Variants in SLFN12L observed in about 807,000 individuals in gnomAD.
The protein encoded by SLFN12L is schlafen family member 12 like.
In SLFN12L, 34 loss-of-function variants were observed where a neutral mutation model predicts 34.8. The ratio of observed to expected loss-of-function variants is 0.98; its 90% confidence interval spans 0.74 to 1.30. The LOEUF (loss-of-function observed/expected upper bound fraction) is 1.30. Among genes scored for constraint, SLFN12L ranks in the 50% most tolerant of loss-of-function variants. SLFN12L has a pLI of 0.00. For missense variants in SLFN12L, 703 were observed against 696.2 expected (o/e 1.01, Z -0.11); for synonymous variants, 259 against 247.5 (o/e 1.05, Z -0.44).
intron 2 of SLFN12L, among the ~76,000 whole-genome samples, chr17:35,500,629 T>C (rs923489185): frequency 4.6e-5 from 7 of 151,878 alleles, no homozygotes. Flanking sequence ...CTCAGGAGAC[T>C]GAGGCAGGAG....
intron 2 of SLFN12L, among the ~76,000 whole-genome samples, chr17:35,497,005 G>A (rs1288586145): frequency 6.6e-6 from 1 of 152,158 alleles, no homozygotes; most frequent in African/African-American, 2.4e-5. Flanking sequence ...GGTGGCTCAC[G>A]CCTGTAATCC....
Position 35,464,729 on chromosome 17 carries a change from G to T in SLFN12L, c.*10194C>A, listed in dbSNP as rs1261046237. 6.6e-6 allele frequency: 1 copy of T among 152,042 alleles called. No individual in the cohort carries two copies. The highest frequency in any genetic ancestry group is 1.5e-5 in the Non-Finnish European group (1 of 68,008). The allele number at this position is 152,042 out of a possible 1,614,324, so 9.4% of individuals were successfully genotyped here. ...TAGATTGTACATGTACATAGATAAAGATATCAAACGTATATCTAAATTAAA... is the reference window on the plus strand; with the variant it reads ...TAGATTGTACATGTACATAGATAAATATATCAAACGTATATCTAAATTAAA... On this transcript the variant is annotated 3_prime_UTR_variant, in exon 5 of 5. Coordinates refer to ENST00000628453, the MANE Select transcript of SLFN12L (RefSeq NM_001363830.2).
At chr17:35,477,951 C>A in intron 4 of SLFN12L, 124 bp downstream of exon 4, 3 of 637,434 alleles carry the variant, frequency 4.7e-6, no homozygotes, top group South Asian at 2.3e-5. Flanking sequence ...CTAAAAACAC[C>A]AAAGAATTTC....
At position 35,479,547 on chromosome 17, in the gene SLFN12L, G is replaced by A. The variant is rs367706141; in HGVS notation, c.735C>T (p.His245=). The A allele has an allele frequency of 2.4e-5, 38 of 1,614,088 alleles. No individual in the cohort carries two copies. The East Asian group carries it at 2.7e-4, about 11-fold the overall frequency. ...KEKLTFTEST[H]VEIKNFSTEK... Reference sequence around the variant, plus strand: ...CAGTCGAGAAGTTTTTTATTTCAACGTGTGTGGATTCAGTAAAGGTCAATT... The same window carrying A: ...CAGTCGAGAAGTTTTTTATTTCAACATGTGTGGATTCAGTAAAGGTCAATT... The change falls in exon 3 of 5, where the codon CAC becomes CAT. Residue 245 remains histidine (H), a synonymous_variant. Coordinates refer to ENST00000628453, the MANE Select transcript of SLFN12L (RefSeq NM_001363830.2).
At chr17:35,505,367 T>C (rs1445763288) in intron 2 of SLFN12L, among the ~76,000 whole-genome samples, 1 of 152,140 alleles carries the variant, frequency 6.6e-6, no homozygotes, top group Non-Finnish European at 1.5e-5. Context: ...AGATGGAGTT[T>C]CTAAGAGTTG....
intron 2 of SLFN12L, among the ~76,000 whole-genome samples, chr17:35,495,988 G>A (rs1405446831): frequency 6.6e-6 from 1 of 151,566 alleles, no homozygotes; most frequent in Non-Finnish European, 1.5e-5. Flanking sequence ...GCGCCTTCGG[G>A]GGCATTTAAA....
chr17:35,492,910 G>T (rs1914893031), intron 2 of SLFN12L, among the ~76,000 whole-genome samples: 1 of 151,876 alleles, frequency 6.6e-6, no homozygotes, highest in South Asian at 2.1e-4. Context: ...TAGGCACATA[G>T]TAGGCACTCA....
At chr17:35,493,166 C>T (rs1914908215) in intron 2 of SLFN12L, among the ~76,000 whole-genome samples, 1 of 152,196 alleles carries the variant, frequency 6.6e-6, no homozygotes, top group Non-Finnish European at 1.5e-5. Context: ...TCTTCAACCT[C>T]CATCCCTGGC....
rs1597821343 is a variant in SLFN12L at position 35,466,052 on chromosome 17, A to T, written c.*8871T>A. On this transcript the variant is annotated 3_prime_UTR_variant, in exon 5 of 5. Coordinates refer to ENST00000628453, the MANE Select transcript of SLFN12L (RefSeq NM_001363830.2). ...TGAGCGGAAAGTACAAAGATTTTCCATATACCCACTGCCCGCACTCATGCA... is the reference window on the plus strand; with the variant it reads ...TGAGCGGAAAGTACAAAGATTTTCCTTATACCCACTGCCCGCACTCATGCA... Among the ~76,000 whole-genome samples the T allele has an allele frequency of 6.6e-6, 1 of 152,134 alleles. No homozygotes were observed. The highest frequency in any genetic ancestry group is 1.9e-4 in the East Asian group (1 of 5,198).
At chr17:35,491,322 T>G in intron 2 of SLFN12L, 2 of 525,734 alleles carry the variant, frequency 3.8e-6, no homozygotes, top group Non-Finnish European at 6.7e-6. Context: ...ATGTTGTCCC[T>G]TCCTACTTTC....
At chr17:35,501,786 G>C (rs1172286082) in intron 2 of SLFN12L, among the ~76,000 whole-genome samples, 1 of 152,174 alleles carries the variant, frequency 6.6e-6, no homozygotes, top group East Asian at 1.9e-4. Context: ...AGCCTGGACA[G>C]GTCCCTTGTT....
At position 35,480,133 on chromosome 17, in the gene SLFN12L, T is replaced by A; in HGVS notation, c.149A>T (p.Asp50Val). Residue 50 changes from aspartate to valine, a missense_variant, in exon 3 of 5, where the codon GAC becomes GTC. Physicochemically the swap from Asp to Val is radical, Grantham distance 152. Transcript: ENST00000628453. Reference protein sequence around the residue: ...AGKMNISIDLDTNYAELVLNV... With the variant: ...AGKMNISIDLVTNYAELVLNV... The stretch of plus-strand genomic sequence containing the variant: ...TAGAACCAGCTCAGCATAGTTTGTG[T>A]CTAAATCAATACTGATGTTCATTTT... 6.2e-7 allele frequency: 1 copy of A among 1,613,114 alleles called. No homozygotes were observed. Among genetic ancestry groups the A allele is most frequent in the South Asian group, 1.1e-5 (1 of 90,758 alleles).
chr17:35,487,896 G>C (rs989478813), intron 2 of SLFN12L: 2 of 802,836 alleles, frequency 2.5e-6, no homozygotes, highest in African/African-American at 3.4e-5. Flanking sequence ...TCGACTCTGC[G>C]CCTTTGGAAA....
At position 35,465,310 on chromosome 17, in the gene SLFN12L, T is replaced by C. The variant is rs1260070314; in HGVS notation, c.*9613A>G. Among the ~76,000 whole-genome samples, 1 of 152,190 alleles carries C rather than the reference T, an allele frequency of 6.6e-6. No individual in the cohort carries two copies. The highest frequency in any genetic ancestry group is 1.5e-5 in the Non-Finnish European group (1 of 68,044). On this transcript the variant is annotated 3_prime_UTR_variant, in exon 5 of 5. Transcript: ENST00000628453. Reference sequence around the variant, plus strand: ...ACAAATTTAAACATTGTACCCCATATAATTTTAAAAGGTAGCTAAATAGCT... The same window carrying C: ...ACAAATTTAAACATTGTACCCCATACAATTTTAAAAGGTAGCTAAATAGCT...
Position 35,534,260 on chromosome 17 carries a change from G to T in SLFN12L, c.-606+3313C>A, listed in dbSNP as rs549663946. Among the ~76,000 whole-genome samples the T allele has an allele frequency of 2.0e-4, 31 of 152,300 alleles. No homozygotes were observed. The East Asian group carries it at 6.0e-3, about 29-fold the overall frequency. On this transcript the variant is annotated intron_variant, in intron 1 of 4. Coordinates refer to ENST00000628453, the MANE Select transcript of SLFN12L (RefSeq NM_001363830.2). Reference sequence around the variant, plus strand: ...GCCTGCAGTCCCAGCTACTCGGGAGGCTGAGGCAGGAGAATCTCTTGAACC... The same window carrying T: ...GCCTGCAGTCCCAGCTACTCGGGAGTCTGAGGCAGGAGAATCTCTTGAACC...
chr17:35,527,653 C>A (rs1272630967), intron 1 of SLFN12L, among the ~76,000 whole-genome samples: 1 of 151,992 alleles, frequency 6.6e-6, no homozygotes. Context: ...AATTCAACAC[C>A]CCTCCATGCT....
chr17:35,536,087 G>A (rs1238803758), intron 1 of SLFN12L, among the ~76,000 whole-genome samples: 1 of 152,066 alleles, frequency 6.6e-6, no homozygotes, highest in East Asian at 1.9e-4. Context: ...CCAAAGTGCT[G>A]GGATTACAGG....
intron 2 of SLFN12L, among the ~76,000 whole-genome samples, chr17:35,503,006 T>A (rs527546735): frequency 6.6e-6 from 1 of 152,070 alleles, no homozygotes; most frequent in Admixed American, 6.6e-5. Context: ...TAAAAAAAAG[T>A]GTGTTAGAAA....
At chr17:35,496,566 C>G (rs1482138128) in intron 2 of SLFN12L, among the ~76,000 whole-genome samples, 1 of 149,844 alleles carries the variant, frequency 6.7e-6, no homozygotes, top group Non-Finnish European at 1.5e-5. Context: ...CTCATGACCT[C>G]GACTCCCTTC....
Sources: allele counts gnomAD v4.1 joint callset (sites outside exome capture counted in the v4.1 genomes callset), GRCh38; gene constraint gnomAD v4.1.1; transcripts MANE v1.5; gene names NCBI Gene and HGNC (gene_info 2026-07-23, HGNC 2026-07-21).